Variants in PARD3 observed in about 807,000 individuals in gnomAD.
PARD3 encodes partitioning defective 3 homolog.
Under a neutral mutation model 155.4 loss-of-function variants are expected in PARD3, and 75 were observed. That is an observed-to-expected ratio of 0.48 (90% CI 0.40 to 0.58). The LOEUF (loss-of-function observed/expected upper bound fraction) is 0.58, where lower values mean the gene tolerates loss of function less well. Among genes scored for constraint, PARD3 ranks in the 20% least tolerant of loss-of-function variants. PARD3 has a pLI of 0.00. For synonymous variants in PARD3, 576 were observed against 610.5 expected (o/e 0.94, Z 0.83); for missense variants, 1,642 against 1,721.7 (o/e 0.95, Z 0.82).
At chr10:34,191,837 G>A (rs1950725272) in intron 22 of PARD3, among the ~76,000 whole-genome samples, 1 of 152,094 alleles carries the variant, frequency 6.6e-6, no homozygotes, top group African/African-American at 2.4e-5. Context: ...TTCAGATTAG[G>A]GAACCTGAGT....
At chr10:34,549,986 C>G (rs1384727494) in intron 2 of PARD3, among the ~76,000 whole-genome samples, 3 of 152,118 alleles carry the variant, frequency 2.0e-5, no homozygotes, top group African/African-American at 7.2e-5. Flanking sequence ...CTCCAGTCAA[C>G]AAGAATCATG....
intron 2 of PARD3, among the ~76,000 whole-genome samples, chr10:34,622,779 A>G (rs1019817055): frequency 8.5e-5 from 13 of 152,058 alleles, no homozygotes; most frequent in Admixed American, 6.5e-4. Flanking sequence ...GTCTACAGGA[A>G]TCAAACTGTT....
rs112195314 is a variant in PARD3, at chr10:34,269,094, A to G, written c.3419+563T>C. 5.4e-3 allele frequency among the ~76,000 whole-genome samples: 815 copies of G among 152,320 alleles called. 7 individuals are homozygous for G. Among genetic ancestry groups the G allele is most frequent in the African/African-American group, 0.019 (771 of 41,570 alleles). On this transcript the variant is annotated intron_variant, in intron 22 of 24. Coordinates refer to ENST00000374788, the MANE Select transcript of PARD3 (RefSeq NM_001184785.2). Reference sequence around the variant, plus strand: ...TAAAATAGCATGTATCAATTAAAAAATACAGTTAACATTGCACTCCTGTGT... The same window carrying G: ...TAAAATAGCATGTATCAATTAAAAAGTACAGTTAACATTGCACTCCTGTGT...
At chr10:34,463,225 A>G (rs1215547876) in intron 4 of PARD3, among the ~76,000 whole-genome samples, 14 of 126,430 alleles carry the variant, frequency 1.1e-4, no homozygotes. Flanking sequence ...AGAAAAGGGG[A>G]AGGGGAAGGG....
chr10:34,306,518 G>A (rs1295050408), intron 20 of PARD3, among the ~76,000 whole-genome samples: 1 of 151,576 alleles, frequency 6.6e-6, no homozygotes, highest in Non-Finnish European at 1.5e-5. Context: ...GTGTGGTGGT[G>A]CATGCCTGTA....
intron 1 of PARD3, among the ~76,000 whole-genome samples, chr10:34,711,267 C>T (rs1191918092): frequency 1.3e-5 from 2 of 152,170 alleles, no homozygotes; most frequent in African/African-American, 2.4e-5. Flanking sequence ...CACCTATAAT[C>T]CCAGCACTTT....
intron 2 of PARD3, among the ~76,000 whole-genome samples, chr10:34,532,542 C>T (rs1453520483): frequency 6.6e-6 from 1 of 152,146 alleles, no homozygotes; most frequent in Non-Finnish European, 1.5e-5. Flanking sequence ...GCTTATAGAA[C>T]ACTTTGTTAA....
At chr10:34,568,454 CTT>C (rs2086133787) in intron 2 of PARD3, among the ~76,000 whole-genome samples, 1 of 152,064 alleles carries the variant, frequency 6.6e-6, no homozygotes, top group Non-Finnish European at 1.5e-5. Flanking sequence ...AAACTGGTCT[CTT>C]TGACAATTTT....
At chr10:34,604,848 A>G (rs2090091770) in intron 2 of PARD3, among the ~76,000 whole-genome samples, 1 of 152,014 alleles carries the variant, frequency 6.6e-6, no homozygotes, top group Non-Finnish European at 1.5e-5. Flanking sequence ...GAGAAACTGC[A>G]ATGCTATTAC....
chr10:34,244,644 A>G (rs1953824780), intron 22 of PARD3, among the ~76,000 whole-genome samples: 1 of 152,224 alleles, frequency 6.6e-6, no homozygotes, highest in African/African-American at 2.4e-5. Context: ...ATTCTGTCCC[A>G]TGTCATTGAT....
intron 1 of PARD3, among the ~76,000 whole-genome samples, chr10:34,730,300 A>AT (rs140305138): frequency 1.0e-4 from 15 of 150,184 alleles, no homozygotes; most frequent in African/African-American, 1.5e-4. Flanking sequence ...CCAAAATCCA[A>AT]TTTTTTTTTT....
At position 34,550,618 on chromosome 10, in the gene PARD3, T is replaced by C. The variant is rs577067704; in HGVS notation, c.223-33459A>G. On this transcript the variant is annotated intron_variant, in intron 2 of 24. Transcript: ENST00000374788. ...AAATAAAAATTTTCAAGGAAATCAT[T>C]GTTCACAGAAGCTTAAGAAAAACAA... Among the ~76,000 whole-genome samples, 10 of 152,314 alleles carry C rather than the reference T, an allele frequency of 6.6e-5. No homozygotes were observed. The South Asian group carries it at 1.7e-3, about 25-fold the overall frequency.
intron 21 of PARD3, among the ~76,000 whole-genome samples, chr10:34,273,504 T>C (rs1433631927): frequency 6.6e-6 from 1 of 152,192 alleles, no homozygotes; most frequent in Non-Finnish European, 1.5e-5. Flanking sequence ...AAGACCTCTG[T>C]GATGAAATAG....
intron 7 of PARD3, among the ~76,000 whole-genome samples, chr10:34,392,989 T>C (rs573336476): frequency 1.3e-5 from 2 of 152,006 alleles, no homozygotes; most frequent in Non-Finnish European, 2.9e-5. Context: ...AAATGAAGCT[T>C]TGTTTATATC....
intron 1 of PARD3, among the ~76,000 whole-genome samples, chr10:34,750,508 CA>C (rs1434963666): frequency 1.6e-4 from 23 of 142,810 alleles, no homozygotes; most frequent in Non-Finnish European, 2.5e-4. Context: ...CACACACACA[CA>C]CCCTAAGACT....
intron 2 of PARD3, among the ~76,000 whole-genome samples, chr10:34,633,367 A>G (rs753193123): frequency 5.3e-5 from 8 of 151,210 alleles, no homozygotes; most frequent in Non-Finnish European, 1.2e-4. Context: ...TAACCTCCCA[A>G]CCTCTAACCC....
At chr10:34,691,003 A>T (rs575235379) in intron 2 of PARD3, among the ~76,000 whole-genome samples, 10 of 152,270 alleles carry the variant, frequency 6.6e-5, no homozygotes, top group African/African-American at 2.4e-4. Flanking sequence ...ACTTGAGCCC[A>T]CGAGTTTGAG....
chr10:34,538,078 CTG>C (rs2083340181), intron 2 of PARD3, among the ~76,000 whole-genome samples: 1 of 152,144 alleles, frequency 6.6e-6, no homozygotes, highest in Non-Finnish European at 1.5e-5. Context: ...TTGCACAAGA[CTG>C]TGAATTGTTT....
intron 4 of PARD3, among the ~76,000 whole-genome samples, chr10:34,464,739 A>G (rs1484417089): frequency 6.6e-6 from 1 of 152,200 alleles, no homozygotes; most frequent in Non-Finnish European, 1.5e-5. Context: ...AAATTCTCTC[A>G]ATACAGCAGA....
Sources: allele counts gnomAD v4.1 joint callset (sites outside exome capture counted in the v4.1 genomes callset), GRCh38; gene constraint gnomAD v4.1.1; transcripts MANE v1.5; gene names NCBI Gene and HGNC (gene_info 2026-07-23, HGNC 2026-07-21).